The following KCNIP4 variants were observed in gnomAD, a reference collection of about 807,000 sequenced individuals.
KCNIP4 encodes Kv channel-interacting protein 4.
In KCNIP4, 12 loss-of-function variants were observed where a neutral mutation model predicts 34.0. That is an observed-to-expected ratio of 0.35 (90% CI 0.23 to 0.57). The LOEUF is 0.57. KCNIP4 is among the 20% of genes least tolerant of loss of function. The probability of loss-of-function intolerance (pLI) is 0.83; values close to 1 mark genes in which losing one functional copy is unlikely to be tolerated. For synonymous variants in KCNIP4, 124 were observed against 102.2 expected, an observed-to-expected ratio of 1.21 and a Z score of -1.29; for missense variants, 238 against 311.7, an observed-to-expected ratio of 0.76 and a Z score of 1.78.
At chr4:20,970,409 A>T (rs1734815890) in intron 1 of KCNIP4, among the ~76,000 whole-genome samples, 1 of 152,184 alleles carries the variant, frequency 6.6e-6, no homozygotes, top group Non-Finnish European at 1.5e-5. Flanking sequence ...TGATGTTTTC[A>T]AATTTAAATT....
chr4:21,367,868 T>C (rs1719940298), intron 1 of KCNIP4, among the ~76,000 whole-genome samples: 1 of 147,826 alleles, frequency 6.8e-6, no homozygotes. Flanking sequence ...TCTTTCCATG[T>C]CTGCTGTATT....
Position 21,552,052 on chromosome 4 carries a change from AC to A in KCNIP4, c.61+396518del, listed in dbSNP as rs1488173896. ...AGAGCTTTTTTTAAAAAAAAAAAAAACAAAAAACAACAACAAAAAAAAACCT... is the reference window on the plus strand; with the variant it reads ...AGAGCTTTTTTTAAAAAAAAAAAAAAAAAAAACAACAACAAAAAAAAACCT... On this transcript the variant is annotated intron_variant, in intron 1 of 8. Coordinates refer to ENST00000382152, the MANE Select transcript of KCNIP4 (RefSeq NM_025221.6). Among the ~76,000 whole-genome samples, 81 of 120,484 alleles carry A rather than the reference AC, an allele frequency of 6.7e-4. 1 individual carries two copies. The highest frequency in any genetic ancestry group is 1.8e-3 in the African/African-American group (64 of 35,498). The allele number at this position is 120,484 out of a possible 152,430, so 79.0% of individuals were successfully genotyped here. A position where few individuals can be genotyped will look rare whatever the true frequency, so the allele number is the denominator to read the frequency against.
At chr4:21,488,100 C>T (rs1732077711) in intron 1 of KCNIP4, among the ~76,000 whole-genome samples, 2 of 152,142 alleles carry the variant, frequency 1.3e-5, no homozygotes, top group Non-Finnish European at 2.9e-5. Context: ...TGTCTGCATA[C>T]TAACCCATCT....
intron 1 of KCNIP4, among the ~76,000 whole-genome samples, chr4:21,255,647 G>GAA (rs113073511): frequency 0.21 from 29,190 of 139,598 alleles, 4,918 homozygotes; most frequent in African/African-American, 0.47. Flanking sequence ...CTTTAAAATA[G>GAA]AAAAAAAAAA....
At chr4:20,801,436 T>C (rs1714221850) in intron 3 of KCNIP4, among the ~76,000 whole-genome samples, 1 of 152,136 alleles carries the variant, frequency 6.6e-6, no homozygotes, top group South Asian at 2.1e-4. Context: ...TACATCTGCT[T>C]AGTATGAAGA....
At chr4:20,950,345 T>C (rs934757288) in intron 1 of KCNIP4, among the ~76,000 whole-genome samples, 4 of 152,106 alleles carry the variant, frequency 2.6e-5, no homozygotes, top group East Asian at 3.9e-4. Flanking sequence ...CTTTGAGTCA[T>C]GATGTTGAGT....
chr4:21,697,094 G>A (rs1374112084), intron 1 of KCNIP4, among the ~76,000 whole-genome samples: 1 of 151,796 alleles, frequency 6.6e-6, no homozygotes, highest in Non-Finnish European at 1.5e-5. Flanking sequence ...TGCAGATACT[G>A]TTTCCTGAAA....
chr4:21,862,921 A>G (rs543181534), intron 1 of KCNIP4, among the ~76,000 whole-genome samples: 297 of 149,992 alleles, frequency 2.0e-3, no homozygotes, highest in Non-Finnish European at 3.2e-3. Context: ...AGATCGCGCC[A>G]CTGCACTCCA....
At chr4:21,184,481 A>G (rs1025326909) in intron 1 of KCNIP4, among the ~76,000 whole-genome samples, 1 of 152,164 alleles carries the variant, frequency 6.6e-6, no homozygotes, top group Non-Finnish European at 1.5e-5. Flanking sequence ...GATCTGAAAA[A>G]GCAATTTAAG....
chr4:21,658,149 T>C (rs1293648391), intron 1 of KCNIP4, among the ~76,000 whole-genome samples: 1 of 152,128 alleles, frequency 6.6e-6, no homozygotes, highest in African/African-American at 2.4e-5. Flanking sequence ...AAATGTAATT[T>C]TATTTAAGAT....
intron 2 of KCNIP4, among the ~76,000 whole-genome samples, chr4:20,862,188 G>C (rs773909549): frequency 6.6e-6 from 1 of 151,678 alleles, no homozygotes; most frequent in Non-Finnish European, 1.5e-5. Context: ...ACGGGGTTTC[G>C]CTATGTTGGC....
intron 1 of KCNIP4, among the ~76,000 whole-genome samples, chr4:21,376,735 G>A (rs1720998194): frequency 1.3e-5 from 2 of 152,052 alleles, no homozygotes; most frequent in Admixed American, 6.6e-5. Flanking sequence ...TGAGAATAAC[G>A]GGTCTTCATA....
intron 1 of KCNIP4, among the ~76,000 whole-genome samples, chr4:20,993,027 C>CAAAAAA (rs11416440): frequency 1.2e-4 from 5 of 42,040 alleles, no homozygotes; most frequent in Admixed American, 3.3e-4. Flanking sequence ...GACTCCATCT[C>CAAAAAA]AAAAAAAAAA....
intron 1 of KCNIP4, among the ~76,000 whole-genome samples, chr4:21,320,407 G>A (rs1290318673): frequency 1.3e-5 from 2 of 152,214 alleles, no homozygotes; most frequent in Admixed American, 1.3e-4. Context: ...AAACTATAGA[G>A]AAGGGCTTGG....
intron 1 of KCNIP4, among the ~76,000 whole-genome samples, chr4:21,342,435 T>C (rs746459356): frequency 6.6e-6 from 1 of 152,142 alleles, no homozygotes; most frequent in African/African-American, 2.4e-5. Context: ...AACTCATTAA[T>C]AAACATTGTC....
At chr4:21,245,325 T>C (rs1760119110) in intron 1 of KCNIP4, among the ~76,000 whole-genome samples, 1 of 152,158 alleles carries the variant, frequency 6.6e-6, no homozygotes, top group African/African-American at 2.4e-5. Context: ...ATTCCTCCAT[T>C]ATAAACACTT....
intron 3 of KCNIP4, among the ~76,000 whole-genome samples, chr4:20,780,880 G>C (rs971684448): frequency 1.3e-5 from 2 of 152,110 alleles, no homozygotes; most frequent in Admixed American, 1.3e-4. Flanking sequence ...ATGGGTTTTT[G>C]TTACATGTAC....
intron 1 of KCNIP4, among the ~76,000 whole-genome samples, chr4:21,325,365 A>G (rs1328867044): frequency 6.6e-6 from 1 of 151,566 alleles, no homozygotes; most frequent in Non-Finnish European, 1.5e-5. Context: ...TACTTATTTT[A>G]GGTTTTCCAA....
intron 1 of KCNIP4, among the ~76,000 whole-genome samples, chr4:21,654,910 C>T (rs1362983580): frequency 1.3e-5 from 2 of 151,180 alleles, no homozygotes; most frequent in African/African-American, 2.4e-5. Context: ...GGTGACAGAG[C>T]GAGACTCTGT....
Sources: gnomAD v4.1 joint callset for allele counts (sites outside exome capture counted in the v4.1 genomes callset) on GRCh38, gnomAD v4.1.1 for gene constraint, MANE v1.5 for transcripts, NCBI Gene and HGNC (gene_info 2026-07-23, HGNC 2026-07-21) for gene names.